MRPL44: variants seen among roughly 807,000 people sequenced by gnomAD.
The protein encoded by MRPL44 is large ribosomal subunit protein mL44.
In MRPL44, 21 loss-of-function variants were observed where a neutral mutation model predicts 25.9. The ratio of observed to expected loss-of-function variants is 0.81; its 90% CI spans 0.58 to 1.17. MRPL44 has a LOEUF of 1.17. MRPL44 is among the 50% of genes most tolerant of loss of function. MRPL44 has a pLI of 0.00. For synonymous variants in MRPL44, 169 were observed against 151.0 expected (o/e 1.12, Z -0.87); for missense variants, 410 against 398.9 (o/e 1.03, Z -0.24).
chr2:223,959,812 T>TA lies in MRPL44; in HGVS notation c.464dup (p.Asn155LysfsTer4). Reference sequence around the variant, plus strand: ...TACCCAGACATGCCCACTGAAGGCATAAAAAATCTTGTTGACTTTCTCACT... The same window carrying TA: ...TACCCAGACATGCCCACTGAAGGCATAAAAAAATCTTGTTGACTTTCTCACT... On this transcript the variant is annotated frameshift_variant, in exon 2 of 4. Coordinates refer to ENST00000258383, the MANE Select transcript of MRPL44 (RefSeq NM_022915.5). LOFTEE classifies it high-confidence loss of function. 1.2e-6 allele frequency: 2 copies of TA among 1,614,188 alleles called. No homozygotes were observed. The highest frequency in any genetic ancestry group is 2.2e-5 in the South Asian group (2 of 91,080).
chr2:223,954,991 A>G (rs1330181958), upstream of MRPL44, among the ~76,000 whole-genome samples: 1 of 152,252 alleles, frequency 6.6e-6, no homozygotes, highest in African/African-American at 2.4e-5. Flanking sequence ...CATGAAACCA[A>G]TTAAATTTCT....
At chr2:223,952,009 T>C in the MRPL44 span, among the ~76,000 whole-genome samples, 1 of 152,236 alleles carries the variant, frequency 6.6e-6, no homozygotes, top group African/African-American at 2.4e-5. Flanking sequence ...TAATGTGGCC[T>C]TGACTTTCTA....
At position 223,957,553 on chromosome 2, in the gene MRPL44, G is replaced by A; in HGVS notation, c.81G>A (p.Pro27=). Residue 27 remains proline, a synonymous_variant, in exon 1 of 4, where the codon CCG becomes CCA. Transcript: ENST00000258383. ...CAGTCGCCCCCAAGCTGGTCCCTCC[G>A]GTTCGGGGAGTGAAGAAGGGATTCC... ...LAPVAPKLVP[P]VRGVKKGFRA... The A allele has an allele frequency of 6.2e-7, 1 of 1,613,988 alleles. No homozygotes were observed. The highest frequency in any genetic ancestry group is 8.5e-7 in the Non-Finnish European group (1 of 1,180,020).
the MRPL44 span, among the ~76,000 whole-genome samples, chr2:223,951,480 T>TTTTTTTTGTTTTGTTTTTTG: frequency 0.01 from 1,351 of 132,696 alleles, 35 homozygotes; most frequent in African/African-American, 0.042. Context: ...ACCTTGGAGT[T>TTTTTTTTGTTTTGTTTTTTG]TTTTTTTTTT....
In MRPL44 at chr2:223,966,884, A is replaced by C; in HGVS notation, c.849A>C (p.Glu283Asp). Residue 283 changes from glutamate to aspartate, a missense_variant, in exon 4 of 4, where the codon GAA becomes GAC. Coordinates refer to ENST00000258383, the MANE Select transcript of MRPL44 (RefSeq NM_022915.5). ...GLYCDKKLIA[E>D]GPGETVLVAE... ...CTAGTGATAAAAAGTTGATTGCAGA[A>C]GGACCTGGGGAAACAGTATTGGTTG... 6 of 1,611,916 alleles carry C rather than the reference A, an allele frequency of 3.7e-6. No homozygotes were observed. The highest frequency in any genetic ancestry group is 5.1e-6 in the Non-Finnish European group (6 of 1,179,468).
upstream of MRPL44, among the ~76,000 whole-genome samples, chr2:223,955,364 T>C (rs1689548787): frequency 1.3e-5 from 2 of 152,228 alleles, no homozygotes; most frequent in Admixed American, 1.3e-4. Flanking sequence ...GTAATTTTCC[T>C]TGTGAGTTGG....
rs1476722820 is a variant in MRPL44 at position 223,966,932 on chromosome 2, G to A, written c.897G>A (p.Val299=). The A allele has an allele frequency of 6.2e-7, 1 of 1,614,172 alleles. No individual in the cohort carries two copies. Among genetic ancestry groups the A allele is most frequent in the Non-Finnish European group, 8.5e-7 (1 of 1,180,020 alleles). The change falls in exon 4 of 4, where the codon GTG becomes GTA. Residue 299 remains valine, a synonymous_variant. Transcript: ENST00000258383. ...TTGCAGAAGAAGAGGCTGCTCGAGT[G>A]GCCCTTAGAAAACTTTATGGATTCA... is the stretch of plus-strand genomic sequence containing the variant. ...VLVAEEEAAR[V]ALRKLYGFTE... is the part of the protein sequence containing the mutation.
intron 3 of MRPL44, among the ~76,000 whole-genome samples, 163 bp from the exon 4 acceptor site, chr2:223,966,700 C>T (rs575597963): frequency 1.3e-5 from 2 of 152,276 alleles, no homozygotes; most frequent in East Asian, 3.9e-4. Context: ...GAACTTGCAA[C>T]AAATCTAGTT....
Position 223,957,532 on chromosome 2 carries a change from C to G in MRPL44, c.60C>G (p.Val20=). 1 of 1,614,074 alleles carries G rather than the reference C, an allele frequency of 6.2e-7. No homozygotes were observed. The highest frequency in any genetic ancestry group is 8.5e-7 in the Non-Finnish European group (1 of 1,180,012). The part of the protein sequence containing the change: ...QQGHRCLLAP[V]APKLVPPVRG... ...GACATCGCTGCCTCCTGGCTCCAGT[C>G]GCCCCCAAGCTGGTCCCTCCGGTTC... Residue 20 remains valine (V), a synonymous_variant, in exon 1 of 4, where the codon GTC becomes GTG. Coordinates refer to ENST00000258383, the MANE Select transcript of MRPL44 (RefSeq NM_022915.5).
chr2:223,958,043 C>A (rs929803345), intron 1 of MRPL44, among the ~76,000 whole-genome samples: 1 of 152,152 alleles, frequency 6.6e-6, no homozygotes, highest in Non-Finnish European at 1.5e-5. Flanking sequence ...AATCTACAAC[C>A]TGAATTCTGC....
At chr2:223,966,388 AT>A (rs1689741614) in intron 3 of MRPL44, among the ~76,000 whole-genome samples, 2 of 152,354 alleles carry the variant, frequency 1.3e-5, no homozygotes, top group South Asian at 4.1e-4. Flanking sequence ...CCCAAGTTAT[AT>A]CACACATTAA....
At chr2:223,962,672 T>A (rs1159288315) in intron 2 of MRPL44, among the ~76,000 whole-genome samples, 1 of 152,198 alleles carries the variant, frequency 6.6e-6, no homozygotes, top group Non-Finnish European at 1.5e-5. Flanking sequence ...AAAGTTTATG[T>A]GAAATTATTA....
upstream of MRPL44, chr2:223,957,275 G>C (rs753448276): frequency 3.2e-6 from 2 of 632,540 alleles, no homozygotes; most frequent in South Asian, 1.9e-5. Context: ...ACTAGCGCAA[G>C]CGTAGCCTCA....
chr2:223,957,536 C>T lies in MRPL44; in HGVS notation c.64C>T (p.Pro22Ser). The change falls in exon 1 of 4, where the codon CCC (proline) becomes TCC (serine). Residue 22 changes from proline (P) to serine (S), a missense_variant. Pro to Ser is a moderately conservative substitution (Grantham distance 74). Transcript: ENST00000258383. ...TCGCTGCCTCCTGGCTCCAGTCGCC[C>T]CCAAGCTGGTCCCTCCGGTTCGGGG... Reference protein sequence around the residue: ...GHRCLLAPVAPKLVPPVRGVK... With the variant: ...GHRCLLAPVASKLVPPVRGVK... The T allele has an allele frequency of 6.2e-7, 1 of 1,614,086 alleles. No individual in the cohort carries two copies. Among genetic ancestry groups the T allele is most frequent in the Non-Finnish European group, 8.5e-7 (1 of 1,180,018 alleles).
chr2:223,965,144 G>A (rs2106119620), intron 3 of MRPL44, among the ~76,000 whole-genome samples: 1 of 152,176 alleles, frequency 6.6e-6, no homozygotes, highest in South Asian at 2.1e-4. Context: ...TTTAAAACGT[G>A]ATCAGTGATA....
At chr2:223,963,634 A>T in intron 2 of MRPL44, 122 bp from the exon 3 acceptor site, 1 of 585,794 alleles carries the variant, frequency 1.7e-6, no homozygotes, top group Non-Finnish European at 2.6e-6. Context: ...ATTAAGTTTT[A>T]AATTTCTGTT....
intron 2 of MRPL44, among the ~76,000 whole-genome samples, chr2:223,962,945 G>C (rs1032343676): frequency 4.6e-5 from 7 of 152,002 alleles, no homozygotes; most frequent in Non-Finnish European, 1.0e-4. Flanking sequence ...CAAGTGATCT[G>C]CCTGCCTTGG....
intron 2 of MRPL44, 131 bp from the exon 3 acceptor site, chr2:223,963,625 T>C: frequency 1.9e-6 from 1 of 525,564 alleles, no homozygotes; most frequent in East Asian, 3.5e-5. Flanking sequence ...TCGTTTCCCA[T>C]TAAGTTTTAA....
In MRPL44 at chr2:223,957,634, G is replaced by A; in HGVS notation, c.162G>A (p.Pro54=). ...AGCGGCAGCGCCTTCTGCGGTGCCC[G>A]CCGCCGCCCGTGCGCCGGTAGGAGC... ...ELERQRLLRC[P]PPPVRRSEKP... is the part of the protein sequence containing the mutation. Residue 54 remains proline (P), a synonymous_variant, in exon 1 of 4, where the codon CCG becomes CCA. Coordinates refer to ENST00000258383, the MANE Select transcript of MRPL44 (RefSeq NM_022915.5). 1 of 1,607,890 alleles carries A rather than the reference G, an allele frequency of 6.2e-7. No homozygotes were observed. The highest frequency in any genetic ancestry group is 1.1e-5 in the South Asian group (1 of 90,952).
Sources: gnomAD v4.1 joint callset for allele counts (sites outside exome capture counted in the v4.1 genomes callset) on GRCh38, gnomAD v4.1.1 for gene constraint, MANE v1.5 for transcripts, NCBI Gene and HGNC (gene_info 2026-07-23, HGNC 2026-07-21) for gene names.